The following CTBP2 variants were observed in gnomAD, a reference collection of about 807,000 sequenced individuals.
CTBP2 encodes C-terminal binding protein 2.
A neutral mutation model predicts 80.3 loss-of-function variants in CTBP2; 30 were observed. That is an observed-to-expected ratio of 0.37 (90% CI 0.28 to 0.51). The LOEUF (loss-of-function observed/expected upper bound fraction) is 0.51, where lower values mean the gene tolerates loss of function less well. Among genes scored for constraint, CTBP2 ranks in the 20% least tolerant of loss-of-function variants. The pLI is 0.93. For synonymous variants in CTBP2, 594 were observed against 587.4 expected (o/e 1.01, Z -0.16); for missense variants, 1,212 against 1,375.3 (o/e 0.88, Z 1.88).
At chr10:125,074,457 C>T (rs1342460473) in intron 2 of CTBP2, among the ~76,000 whole-genome samples, 2 of 152,172 alleles carry the variant, frequency 1.3e-5, no homozygotes, top group African/African-American at 4.8e-5. Context: ...CGGGTTCAAG[C>T]GATTCTCCTG....
intron 3 of CTBP2, among the ~76,000 whole-genome samples, chr10:125,036,623 G>A (rs1307914678): frequency 6.6e-6 from 1 of 151,428 alleles, no homozygotes; most frequent in South Asian, 2.1e-4. Context: ...CATTCTACAA[G>A]TAGTTGATAG....
In CTBP2 at chr10:124,993,350, CAG is replaced by C. The variant is rs1491553838; in HGVS notation, c.2532-23_2532-22del. The C allele has an allele frequency of 4.4e-6, 7 of 1,602,756 alleles. No homozygotes were observed. The South Asian group carries it at 5.5e-5, about 13-fold the overall frequency. On this transcript the variant is annotated intron_variant, in intron 6 of 8. Transcript: ENST00000309035. ...CAAAGCTAGAAAAATGTAGAAAAAA[CAG>C]AGTAAGCGGGAAATGTCGCATACGC...
At chr10:124,991,011 ATACTCCCATGGCCTGAGATGGGAAG>A (rs1564995204) in intron 8 of CTBP2, among the ~76,000 whole-genome samples, 1 of 152,208 alleles carries the variant, frequency 6.6e-6, no homozygotes, top group African/African-American at 2.4e-5. Context: ...GGTTGGCTAT[ATACTCCCATGGCCTGAGATGGGAAG>A]TGGTATGCTT....
intron 1 of CTBP2, among the ~76,000 whole-genome samples, chr10:125,143,851 C>A (rs926047458): frequency 6.6e-6 from 1 of 152,130 alleles, no homozygotes; most frequent in African/African-American, 2.4e-5. Flanking sequence ...AAAGAAACTG[C>A]CAGGGCCCCA....
intron 4 of CTBP2, among the ~76,000 whole-genome samples, chr10:124,995,344 G>A (rs888882796): frequency 6.6e-6 from 1 of 152,220 alleles, no homozygotes; most frequent in African/African-American, 2.4e-5. Context: ...AGGATGAGGA[G>A]GTGTCTCCCA....
chr10:125,151,467 A>C (rs1859858007), intron 1 of CTBP2, among the ~76,000 whole-genome samples: 1 of 152,198 alleles, frequency 6.6e-6, no homozygotes, highest in Admixed American at 6.5e-5. Context: ...AAACACCCAG[A>C]TTCGAAGGTT....
intron 2 of CTBP2, among the ~76,000 whole-genome samples, chr10:125,049,219 T>C (rs1590327309): frequency 6.6e-6 from 1 of 152,218 alleles, no homozygotes; most frequent in Non-Finnish European, 1.5e-5. Context: ...GAGGGGCTGG[T>C]GTAGCCCACT....
chr10:125,105,561 C>T (rs1156721963), intron 2 of CTBP2, among the ~76,000 whole-genome samples: 1 of 152,168 alleles, frequency 6.6e-6, no homozygotes, highest in African/African-American at 2.4e-5. Context: ...GGGAGCTGCT[C>T]TAAGTTGAAA....
chr10:125,032,822 C>A (rs983523833), upstream of CTBP2: 1 of 154,968 alleles, frequency 6.5e-6, no homozygotes, highest in Admixed American at 6.5e-5. Flanking sequence ...AGAAGCCCCT[C>A]CCCACAACCA....
intron 4 of CTBP2, chr10:124,997,135 T>C (rs1953722789): frequency 6.6e-6 from 1 of 152,202 alleles, no homozygotes; most frequent in Non-Finnish European, 1.5e-5. Context: ...GCCAGAACAT[T>C]ACTGGCCCCG....
At chr10:125,074,696 G>A (rs887487231) in intron 2 of CTBP2, among the ~76,000 whole-genome samples, 1 of 152,250 alleles carries the variant, frequency 6.6e-6, no homozygotes, top group Non-Finnish European at 1.5e-5. Context: ...ACGTTTCAGA[G>A]TGCACAGCAT....
intron 3 of CTBP2, among the ~76,000 whole-genome samples, chr10:125,034,209 CT>C (rs1958585887): frequency 6.6e-6 from 1 of 152,216 alleles, no homozygotes; most frequent in Non-Finnish European, 1.5e-5. Context: ...GGAGGGCAGT[CT>C]ATGAACCCCA....
intron 2 of CTBP2, among the ~76,000 whole-genome samples, chr10:125,076,328 C>A (rs1846267469): frequency 6.6e-6 from 1 of 152,176 alleles, no homozygotes; most frequent in African/African-American, 2.4e-5. Flanking sequence ...TGGGTTCTAG[C>A]CCCAGCTCAA....
At chr10:125,148,587 G>C (rs568650872) in intron 1 of CTBP2, among the ~76,000 whole-genome samples, 1 of 152,196 alleles carries the variant, frequency 6.6e-6, no homozygotes, top group Non-Finnish European at 1.5e-5. Context: ...GACACAACCA[G>C]GGACCCAAAA....
intron 8 of CTBP2, among the ~76,000 whole-genome samples, chr10:124,991,443 CTG>C (rs1432845385): frequency 6.6e-6 from 1 of 152,218 alleles, no homozygotes; most frequent in Admixed American, 6.5e-5. Context: ...GAATCTGGTG[CTG>C]TGATAGGCTC....
chr10:125,041,499 T>G, intron 2 of CTBP2, among the ~76,000 whole-genome samples: 2 of 30,310 alleles, frequency 6.6e-5, no homozygotes, highest in South Asian at 2.1e-3. Flanking sequence ...CTTTTGTCCA[T>G]CCCCACCCCC....
At chr10:125,121,738 G>A (rs564700186) in intron 1 of CTBP2, among the ~76,000 whole-genome samples, 2 of 152,276 alleles carry the variant, frequency 1.3e-5, no homozygotes, top group East Asian at 3.9e-4. Context: ...TCTAGAAATG[G>A]GGAAAAAGGC....
chr10:125,151,842 C>T (rs939010975), intron 1 of CTBP2, among the ~76,000 whole-genome samples: 2 of 152,146 alleles, frequency 1.3e-5, no homozygotes, highest in African/African-American at 2.4e-5. Context: ...TCTAGCTGGA[C>T]CCCCGCCGCC....
rs76889304 is a variant in CTBP2, at chr10:125,109,233, G to A, written c.-102+1757C>T. On this transcript the variant is annotated intron_variant, in intron 2 of 10. Coordinates refer to the CTBP2 transcript ENST00000337195. Reference sequence around the variant, plus strand: ...ATGAGCATCTATGAAACGTAATGATGGTCCATCCAGCGGAGATGCTCCCAG... The same window carrying A: ...ATGAGCATCTATGAAACGTAATGATAGTCCATCCAGCGGAGATGCTCCCAG... Among the ~76,000 whole-genome samples the A allele has an allele frequency of 7.1e-3, 1,084 of 152,310 alleles. 12 individuals carry two copies. The highest frequency in any genetic ancestry group is 0.025 in the African/African-American group (1,032 of 41,558).
Sources: gnomAD v4.1 joint callset for allele counts (sites outside exome capture counted in the v4.1 genomes callset) on GRCh38, gnomAD v4.1.1 for gene constraint, MANE v1.5 for transcripts, NCBI Gene and HGNC (gene_info 2026-07-23, HGNC 2026-07-21) for gene names.